TET3: variants seen among roughly 807,000 people sequenced by gnomAD.
TET3 encodes tet methylcytosine dioxygenase 3.
Under a neutral mutation model 141.4 loss-of-function variants are expected in TET3, and 19 were observed. The observed-to-expected ratio is 0.13, with a 90% confidence interval of 0.09 to 0.20. The LOEUF is 0.20. TET3 is among the 10% of genes least tolerant of loss of function. TET3 has a pLI of 1.00. For missense variants in TET3, 1,874 were observed against 2,356.9 expected (o/e 0.80, Z 4.24); for synonymous variants, 1,043 against 980.9 (o/e 1.06, Z -1.18).
chr2:73,994,661 C>T (rs569782821), intron 2 of TET3, among the ~76,000 whole-genome samples: 8 of 112,724 alleles, frequency 7.1e-5, no homozygotes, highest in African/African-American at 1.2e-4. Flanking sequence ...TTTTTTGATA[C>T]GGAGTCTCGC....
chr2:74,099,878 G>A (rs1691074944), intron 11 of TET3, among the ~76,000 whole-genome samples: 1 of 152,180 alleles, frequency 6.6e-6, no homozygotes, highest in Non-Finnish European at 1.5e-5. Context: ...CAGAGAATCA[G>A]AGGCTCCCCT....
the TET3 span, chr2:74,121,552 G>A: frequency 2.6e-5 from 4 of 152,220 alleles, no homozygotes. Context: ...GATTTCTGAG[G>A]AGAAGGCAAA....
At chr2:74,123,910 G>A in the TET3 span, among the ~76,000 whole-genome samples, 137 of 148,086 alleles carry the variant, frequency 9.3e-4, no homozygotes, top group Middle Eastern at 0.021. Flanking sequence ...GCCAGGCCGC[G>A]ACCTCGTCTG....
chr2:74,007,706 C>A (rs1685216462), intron 3 of TET3, among the ~76,000 whole-genome samples: 1 of 152,188 alleles, frequency 6.6e-6, no homozygotes, highest in South Asian at 2.1e-4. Context: ...GGGGAGGTCA[C>A]TTACTGTCTT....
In TET3 at chr2:74,046,557, G is replaced by A. The variant is rs1443377796; in HGVS notation, c.640G>A (p.Gly214Arg). The change falls in exon 4 of 12, where the codon GGG becomes AGG. Residue 214 changes from glycine (G) to arginine (R), a missense_variant. By Grantham distance (125) the Gly-to-Arg change is moderately radical. Coordinates refer to ENST00000409262, the MANE Select transcript of TET3 (RefSeq NM_001287491.2). The surrounding 1 kb of genome is among the most constrained non-coding windows in gnomAD (Gnocchi z 4.3). Reference sequence around the variant, plus strand: ...TGTGGCCGAAGCTGTGTCCTCTTATGGGGCCCTTAGCACCCGGCTCTATGA... The same window carrying A: ...TGTGGCCGAAGCTGTGTCCTCTTATAGGGCCCTTAGCACCCGGCTCTATGA... ...SAVAEAVSSY[G>R]ALSTRLYETF... 5.0e-6 allele frequency: 8 copies of A among 1,613,900 alleles called. No individual in the cohort carries two copies. The South Asian group carries it at 8.8e-5, about 18-fold the overall frequency.
At chr2:74,116,028 A>AG in the TET3 span, among the ~76,000 whole-genome samples, 3 of 151,156 alleles carry the variant, frequency 2.0e-5, no homozygotes, top group South Asian at 6.3e-4. Flanking sequence ...AAAAAAAAAA[A>AG]GGCTGGAGGG....
intron 6 of TET3, among the ~76,000 whole-genome samples, chr2:74,084,694 C>A (rs1044738572): frequency 6.6e-6 from 1 of 152,090 alleles, no homozygotes; most frequent in African/African-American, 2.4e-5. Flanking sequence ...ACCTCGTGAT[C>A]CACCCGCCTC....
At chr2:74,122,312 G>C in the TET3 span, 1 of 151,764 alleles carries the variant, frequency 6.6e-6, no homozygotes, top group East Asian at 1.9e-4. Context: ...CCTGACAACA[G>C]AGTGGAATGT....
chr2:74,083,683 T>C (rs527272072), intron 6 of TET3, among the ~76,000 whole-genome samples: 1 of 152,196 alleles, frequency 6.6e-6, no homozygotes, highest in Non-Finnish European at 1.5e-5. Flanking sequence ...GGAACTCCTC[T>C]GTGCTGTTTT....
At position 74,080,598 on chromosome 2, in the gene TET3, G is replaced by A; in HGVS notation, c.2679+7G>A. 1 of 1,605,248 alleles carries A rather than the reference G, an allele frequency of 6.2e-7. No individual in the cohort carries two copies. Among genetic ancestry groups the A allele is most frequent in the African/African-American group, 1.3e-5 (1 of 74,762 alleles). ...TTGCCCCATTGCAAAGTGGGTGAGT[G>A]TTGAGCCCACTCAAGAGCCACAGCT... On this transcript the variant is annotated splice_region_variant and intron_variant, in intron 6 of 11. Transcript: ENST00000409262.
chr2:74,101,472 G>A lies in TET3; in HGVS notation c.4684G>A (p.Gly1562Arg), dbSNP rs765548771. The change falls in exon 12 of 12, where the codon GGA becomes AGA. Residue 1562 changes from glycine to arginine, a missense_variant. By Grantham distance (125) the Gly-to-Arg change is moderately radical (BLOSUM62 -2). Transcript: ENST00000409262. The surrounding 1 kb of genome is among the most constrained non-coding windows in gnomAD (Gnocchi z 8.5). ...FQDKLWNPMK[G>R]EEGRIPAAGA... ...AGACAAGCTGTGGAACCCCATGAAA[G>A]GAGAGGAGGGCAGGATTCCAGCCGC... 4.3e-6 allele frequency: 7 copies of A among 1,613,640 alleles called. No individual in the cohort carries two copies. In the African/African-American group the frequency reaches 6.7e-5, roughly 15 times the overall value.
In TET3 at chr2:74,101,231, C is replaced by T. The variant is rs1335441800; in HGVS notation, c.4443C>T (p.Ala1481=). Residue 1481 remains alanine (A), a synonymous_variant, in exon 12 of 12, where the codon GCC becomes GCT. Transcript: ENST00000409262. The surrounding 1 kb of genome is among the most constrained non-coding windows in gnomAD (Gnocchi z 8.5). ...GTTCCTTTGGGGCCAGCTGCCTGGC[C>T]CCTTCCCACTTCACAGATGGCCAGT... ...KLSSFGASCL[A]PSHFTDGQWG... The T allele has an allele frequency of 2.5e-6, 4 of 1,612,926 alleles. No individual in the cohort carries two copies. In the South Asian group the frequency reaches 4.4e-5, roughly 18 times the overall value.
chr2:73,984,715 C>A (rs1253537298), upstream of TET3, among the ~76,000 whole-genome samples: 1 of 151,458 alleles, frequency 6.6e-6, no homozygotes, highest in Non-Finnish European at 1.5e-5. This position sits in a 1 kb window ranked among gnomAD's most constrained non-coding sequence, Gnocchi z 5.6. Flanking sequence ...TGCAGAGAAG[C>A]GGCGGCCGGG....
chr2:74,033,845 C>T (rs1198440052), intron 3 of TET3, among the ~76,000 whole-genome samples: 2 of 152,084 alleles, frequency 1.3e-5, no homozygotes, highest in African/African-American at 2.4e-5. Flanking sequence ...CCTGTAATCC[C>T]AGCACTTTGG....
At chr2:74,032,411 C>T (rs190847141) in intron 3 of TET3, among the ~76,000 whole-genome samples, 1 of 132,574 alleles carries the variant, frequency 7.5e-6, no homozygotes, top group East Asian at 2.1e-4. Flanking sequence ...CACCATGGGG[C>T]TTGGGCGATG....
intron 8 of TET3, 146 bp from the exon 9 acceptor site, chr2:74,092,756 C>T (rs573466014): frequency 4.3e-6 from 3 of 699,226 alleles, no homozygotes; most frequent in East Asian, 5.5e-5. Context: ...CACCACAGCC[C>T]TCCTGAAGGA....
rs144720028 is a variant in TET3 at position 74,076,125 on chromosome 2, C to G, written c.2585+2486C>G. On this transcript the variant is annotated intron_variant, in intron 5 of 11. Transcript: ENST00000409262. ...TATTTTGAAACAAGGATCAAGAGAT[C>G]TTTGAAATTTGGTAAGATAAGGTTG... Among the ~76,000 whole-genome samples the G allele has an allele frequency of 4.9e-4, 74 of 151,414 alleles. No individual in the cohort carries two copies. In the East Asian group the frequency reaches 8.5e-3, roughly 17 times the overall value.
At position 74,101,142 on chromosome 2, in the gene TET3, G is replaced by A. The variant is rs202063420; in HGVS notation, c.4354G>A (p.Val1452Met). ...PSMSPKRTNG[V>M]GGSWGVFSSG... ...CATGTCCCCCAAGAGGACTAACGGT[G>A]TGGGTGGCAGCTGGGGTGTGTTCTC... The change falls in exon 12 of 12, where the codon GTG becomes ATG. Residue 1452 changes from valine to methionine, a missense_variant. Coordinates refer to ENST00000409262, the MANE Select transcript of TET3 (RefSeq NM_001287491.2). This position sits in a 1 kb window ranked among gnomAD's most constrained non-coding sequence, Gnocchi z 8.5. 3 of 1,613,884 alleles carry A rather than the reference G, an allele frequency of 1.9e-6. No homozygotes were observed. The highest frequency in any genetic ancestry group is 1.1e-5 in the South Asian group (1 of 91,036).
chr2:74,063,311 G>A (rs902594057), intron 4 of TET3, among the ~76,000 whole-genome samples: 1 of 152,120 alleles, frequency 6.6e-6, no homozygotes, highest in South Asian at 2.1e-4. Context: ...GCAAGAGCCA[G>A]GTCTTGCCAT....
Sources: gnomAD v4.1 joint callset for allele counts (sites outside exome capture counted in the v4.1 genomes callset) on GRCh38, gnomAD v4.1.1 for gene constraint, Gnocchi (gnomAD v3.1) non-coding constraint, MANE v1.5 for transcripts, NCBI Gene and HGNC (gene_info 2026-07-23, HGNC 2026-07-21) for gene names.